The following PXMP2 variants were observed in gnomAD, a reference collection of about 807,000 sequenced individuals.
PXMP2 encodes the protein peroxisomal membrane protein 2, also known as 22 kDa peroxisomal membrane protein.
A neutral mutation model predicts 20.2 loss-of-function variants in PXMP2; 13 were observed. That is an observed-to-expected ratio of 0.64 (90% CI 0.42 to 1.02). The LOEUF (loss-of-function observed/expected upper bound fraction) is 1.02. Among genes scored for constraint, PXMP2 ranks in the 50% least tolerant of loss-of-function variants. PXMP2 has a pLI of 0.00. For missense variants in PXMP2, 284 were observed against 251.8 expected (o/e 1.13, Z -0.87); for synonymous variants, 113 against 111.2 (o/e 1.02, Z -0.10).
At chr12:132,690,227 G>A (rs76557619) in intron 1 of PXMP2, 36 bp from the exon 2 acceptor site, 3 of 1,543,142 alleles carry the variant, frequency 1.9e-6, no homozygotes, top group Admixed American at 1.7e-5. Flanking sequence ...CCTCCTGCTG[G>A]TCACTGCTGT....
intron 1 of PXMP2, chr12:132,688,085 C>G (rs1442640900): frequency 4.9e-6 from 1 of 205,318 alleles, no homozygotes; most frequent in Non-Finnish European, 9.7e-6. Context: ...GCCCCGCGCG[C>G]CCGGGGAAGC....
chr12:132,696,181 T>G lies in PXMP2; in HGVS notation c.399+135T>G. On this transcript the variant is annotated intron_variant, in intron 3 of 4. Transcript: ENST00000317479. The surrounding 1 kb of genome is among the most constrained non-coding windows in gnomAD (Gnocchi z 4.4). ...AATTTTGCATTTTCTTTTATGAATATAGGAAGCAAACATCTAGTATTGGCA... is the reference window on the plus strand; with the variant it reads ...AATTTTGCATTTTCTTTTATGAATAGAGGAAGCAAACATCTAGTATTGGCA... 1 of 1,035,094 alleles carries G rather than the reference T, an allele frequency of 9.7e-7. No homozygotes were observed. The highest frequency in any genetic ancestry group is 1.9e-5 in the South Asian group (1 of 52,700). 64.1% of individuals were successfully genotyped at this position (1,035,094 alleles called of 1,614,324 possible). A position where few individuals can be genotyped will look rare whatever the true frequency, so the allele number is the denominator to read the frequency against.
At chr12:132,699,548 T>TTG (rs60421428) in intron 3 of PXMP2, among the ~76,000 whole-genome samples, 1 of 107,460 alleles carries the variant, frequency 9.3e-6, no homozygotes, top group Non-Finnish European at 2.1e-5. Flanking sequence ...TTTTTTTTTT[T>TTG]GACACAGAGT....
At chr12:132,704,505 T>C in intron 4 of PXMP2, 114 bp from the exon 5 acceptor site, 1 of 742,562 alleles carries the variant, frequency 1.3e-6, no homozygotes, top group Non-Finnish European at 2.0e-6. Flanking sequence ...AATGGATGGG[T>C]GGTTGGACCA....
At chr12:132,689,354 G>C (rs1039515993) in intron 1 of PXMP2, among the ~76,000 whole-genome samples, 1 of 152,194 alleles carries the variant, frequency 6.6e-6, no homozygotes, top group Admixed American at 6.5e-5. Flanking sequence ...AGGTGACATT[G>C]AACAGGCTGT....
chr12:132,687,707 GGGCTCGGGGCGCTGCCGC>G lies in PXMP2; in HGVS notation c.41_58del (p.Leu14_Arg19del). On this transcript the variant is annotated inframe_deletion, in exon 1 of 5. Transcript: ENST00000317479. ...CGCGTCCAGGCTGCGGGCCGAAGCC[GGGCTCGGGGCGCTGCCGC>G]GGCGGGCGCTCGCCCAGTACCTGCT... The G allele has an allele frequency of 8.4e-7, 1 of 1,197,084 alleles. No homozygotes were observed. Among genetic ancestry groups the G allele is most frequent in the Non-Finnish European group, 1.0e-6 (1 of 967,442 alleles). The allele number at this position is 1,197,084 out of a possible 1,614,324, so 74.2% of individuals were successfully genotyped here.
At chr12:132,703,967 G>A (rs563440054) in intron 4 of PXMP2, among the ~76,000 whole-genome samples, 6 of 152,192 alleles carry the variant, frequency 3.9e-5, no homozygotes, top group East Asian at 3.8e-4. Flanking sequence ...TCTGAGTAGC[G>A]TGGGGGCAGA....
chr12:132,690,556 T>G (rs1262475767), intron 2 of PXMP2, among the ~76,000 whole-genome samples, 180 bp downstream of exon 2: 2 of 143,056 alleles, frequency 1.4e-5, no homozygotes, highest in African/African-American at 5.2e-5. Flanking sequence ...TATATACGCA[T>G]ACGTGGTTTT....
intron 2 of PXMP2, among the ~76,000 whole-genome samples, chr12:132,693,203 C>T (rs1593105439): frequency 3.6e-5 from 2 of 55,732 alleles, no homozygotes; most frequent in Non-Finnish European, 4.2e-5. Flanking sequence ...GCTCCCTTAG[C>T]CAGTTAGTTA....
chr12:132,695,212 CA>C (rs1165711389), intron 2 of PXMP2, among the ~76,000 whole-genome samples: 2 of 151,608 alleles, frequency 1.3e-5, no homozygotes, highest in Middle Eastern at 3.2e-3. Context: ...CTCCCTTAGC[CA>C]GTTAGTGCCC....
Position 132,700,961 on chromosome 12 carries a change from G to C in PXMP2, c.400-289G>C, listed in dbSNP as rs2043436366. 4.0e-5 allele frequency among the ~76,000 whole-genome samples: 6 copies of C among 151,822 alleles called. No individual in the cohort carries two copies. In the South Asian group the frequency reaches 1.3e-3, roughly 32 times the overall value. Reference sequence around the variant, plus strand: ...CTCTGAGTAGCAGTTCTGGTGCCCAGGGCCAGCCTTGGGAGTCACCTCCTC... The same window carrying C: ...CTCTGAGTAGCAGTTCTGGTGCCCACGGCCAGCCTTGGGAGTCACCTCCTC... On this transcript the variant is annotated intron_variant, in intron 3 of 4. Transcript: ENST00000317479.
intron 4 of PXMP2, chr12:132,702,511 C>T (rs778763850): frequency 3.2e-5 from 13 of 404,778 alleles, no homozygotes; most frequent in South Asian, 2.1e-4. Context: ...CCAGATGCTA[C>T]AGGAGGAGGC....
At chr12:132,692,194 TCCCTTAGCCAGTTAGTTAGTGAGCG>T (rs1360897938) in intron 2 of PXMP2, among the ~76,000 whole-genome samples, 15 of 144,176 alleles carry the variant, frequency 1.0e-4, no homozygotes, top group Admixed American at 9.7e-4. Flanking sequence ...GTTAGTGAGC[TCCCTTAGCCAGTTAGTTAGTGAGCG>T]CCCTTAGCCA....
chr12:132,695,802 C>T, intron 2 of PXMP2, 82 bp from the exon 3 acceptor site: 1 of 1,444,286 alleles, frequency 6.9e-7, no homozygotes, highest in East Asian at 2.3e-5. Flanking sequence ...GGGTTAGGAC[C>T]TGGGATTTGG....
At chr12:132,698,958 AT>A (rs1322524692) in intron 3 of PXMP2, among the ~76,000 whole-genome samples, 1 of 152,068 alleles carries the variant, frequency 6.6e-6, no homozygotes, top group East Asian at 1.9e-4. Flanking sequence ...TTCTTTAAAA[AT>A]TTTTTTTAGT....
chr12:132,688,140 G>A, intron 1 of PXMP2: 1 of 138,354 alleles, frequency 7.2e-6, no homozygotes, highest in Non-Finnish European at 1.6e-5. Context: ...AAGACAGGGC[G>A]AGGGGAGCGG....
intron 2 of PXMP2, among the ~76,000 whole-genome samples, chr12:132,694,777 C>G (rs1182035664): frequency 7.3e-6 from 1 of 137,314 alleles, no homozygotes; most frequent in Non-Finnish European, 1.6e-5. Flanking sequence ...AGTGCCCTTG[C>G]CAGTTAGTTA....
Position 132,696,112 on chromosome 12 carries a change from C to T in PXMP2, c.399+66C>T. On this transcript the variant is annotated intron_variant, in intron 3 of 4. Coordinates refer to ENST00000317479, the MANE Select transcript of PXMP2 (RefSeq NM_018663.3). The surrounding 1 kb of genome is among the most constrained non-coding windows in gnomAD (Gnocchi z 4.4). The stretch of plus-strand genomic sequence containing the variant: ...GCACAGGGATTCTTCACCTGACATT[C>T]TCGGCAGAATTCAGAGGGTCTGCAG... 6.8e-7 allele frequency: 1 copy of T among 1,465,932 alleles called. No individual in the cohort carries two copies. The highest frequency in any genetic ancestry group is 9.1e-7 in the Non-Finnish European group (1 of 1,093,168). 90.8% of individuals were successfully genotyped at this position (1,465,932 alleles called of 1,614,324 possible). A position where few individuals can be genotyped will look rare whatever the true frequency, so the allele number is the denominator to read the frequency against.
chr12:132,690,246 G>C lies in PXMP2; in HGVS notation c.123-17G>C. The stretch of plus-strand genomic sequence containing the variant: ...CTGCTGGTCACTGCTGTTTTCTGAT[G>C]ACCTCCCTCTCCACAGTGGCATTTT... On this transcript the variant is annotated splice_polypyrimidine_tract_variant and intron_variant, in intron 1 of 4. Transcript: ENST00000317479. The C allele has an allele frequency of 6.3e-7, 1 of 1,599,802 alleles. No individual in the cohort carries two copies. The highest frequency in any genetic ancestry group is 8.6e-7 in the Non-Finnish European group (1 of 1,167,216).
Sources: allele counts gnomAD v4.1 joint callset (sites outside exome capture counted in the v4.1 genomes callset), GRCh38; gene constraint gnomAD v4.1.1; non-coding constraint Gnocchi (gnomAD v3.1); transcripts MANE v1.5; gene names NCBI Gene and HGNC (gene_info 2026-07-23, HGNC 2026-07-21).